NRXN1: variants seen among roughly 807,000 people sequenced by gnomAD.
NRXN1 encodes the protein neurexin-1.
NRXN1 carries 39 observed loss-of-function variants against 150.9 expected under a neutral mutation model. That is an observed-to-expected ratio of 0.26 (90% CI 0.20 to 0.34). NRXN1 has a LOEUF of 0.34. NRXN1 is among the 10% of genes least tolerant of loss of function. NRXN1 has a pLI of 1.00. For missense variants in NRXN1, 1,815 were observed against 1,949.9 expected (o/e 0.93, Z 1.30); for synonymous variants, 924 against 757.0 (o/e 1.22, Z -3.62).
intron 18 of NRXN1, among the ~76,000 whole-genome samples, chr2:50,174,391 T>A (rs1052150286): frequency 2.0e-5 from 3 of 152,142 alleles, no homozygotes. Flanking sequence ...AAGATCCATG[T>A]AAAGCATTTG....
chr2:50,557,670 G>A (rs1360555981), intron 8 of NRXN1, among the ~76,000 whole-genome samples: 1 of 151,962 alleles, frequency 6.6e-6, no homozygotes, highest in Non-Finnish European at 1.5e-5. Flanking sequence ...GCTAATAATG[G>A]GTCCTAGCAT....
At chr2:50,931,012 C>T (rs1052473775) in intron 2 of NRXN1, among the ~76,000 whole-genome samples, 16 of 152,258 alleles carry the variant, frequency 1.1e-4, no homozygotes, top group African/African-American at 3.8e-4. Context: ...TCCCAACTTA[C>T]CAACCCTTCT....
chr2:50,624,561 A>T (rs190479934), intron 5 of NRXN1, among the ~76,000 whole-genome samples: 3 of 152,206 alleles, frequency 2.0e-5, no homozygotes, highest in African/African-American at 7.2e-5. Context: ...GAAAGGGAAG[A>T]AAAAAAGATA....
At chr2:50,110,613 G>C (rs1214026323) in intron 18 of NRXN1, among the ~76,000 whole-genome samples, 1 of 151,988 alleles carries the variant, frequency 6.6e-6, no homozygotes, top group African/African-American at 2.4e-5. Flanking sequence ...TATGTGGGGT[G>C]TGTGTGCGTA....
intron 10 of NRXN1, among the ~76,000 whole-genome samples, chr2:50,536,594 C>CT (rs34726991): frequency 1.3e-5 from 2 of 152,120 alleles, no homozygotes; most frequent in Non-Finnish European, 2.9e-5. Context: ...GAGTTATACC[C>CT]TTTTTTCAGC....
intron 17 of NRXN1, among the ~76,000 whole-genome samples, chr2:50,274,598 G>T (rs536811162): frequency 2.0e-4 from 30 of 152,158 alleles, no homozygotes; most frequent in African/African-American, 6.7e-4. Context: ...CTGAAAAAGA[G>T]ATAGAAGGAA....
chr2:50,482,284 A>G (rs1384067442), intron 15 of NRXN1, among the ~76,000 whole-genome samples: 1 of 152,148 alleles, frequency 6.6e-6, no homozygotes, highest in Non-Finnish European at 1.5e-5. Context: ...AACCCACTCT[A>G]TGCCAGTAAC....
intron 12 of NRXN1, among the ~76,000 whole-genome samples, chr2:50,512,180 A>C (rs1026097658): frequency 2.0e-5 from 3 of 152,126 alleles, no homozygotes; most frequent in Non-Finnish European, 2.9e-5. Context: ...TGTTATAGTG[A>C]ATATCTCTAA....
At chr2:50,205,610 G>A (rs754250904) in intron 18 of NRXN1, among the ~76,000 whole-genome samples, 4 of 151,968 alleles carry the variant, frequency 2.6e-5, no homozygotes, top group African/African-American at 2.4e-5. Context: ...AAGAAAACTG[G>A]ACATCAAGCA....
intron 5 of NRXN1, among the ~76,000 whole-genome samples, chr2:50,701,293 TGTC>T: frequency 6.6e-6 from 1 of 152,180 alleles, no homozygotes; most frequent in African/African-American, 2.4e-5. Context: ...AAACAACTAT[TGTC>T]ATTATTATTA....
At chr2:50,602,396 T>C (rs1000309109) in intron 8 of NRXN1, among the ~76,000 whole-genome samples, 3 of 84,898 alleles carry the variant, frequency 3.5e-5, no homozygotes, top group Non-Finnish European at 5.4e-5. Context: ...TTCATTTTTC[T>C]TTTTTTTTTC....
intron 22 of NRXN1, 32 bp from the exon 23 acceptor site, chr2:49,922,283 G>A: frequency 6.3e-7 from 1 of 1,591,084 alleles, no homozygotes; most frequent in Non-Finnish European, 8.6e-7. Flanking sequence ...CAAACACAAA[G>A]TGATCATTGA....
chr2:50,768,800 A>T (rs1218923057), intron 5 of NRXN1, among the ~76,000 whole-genome samples: 1 of 151,734 alleles, frequency 6.6e-6, no homozygotes, highest in Non-Finnish European at 1.5e-5. Context: ...GATAGCTCAC[A>T]ACTCCCTCAA....
At chr2:50,806,886 T>C (rs1021483221) in intron 5 of NRXN1, among the ~76,000 whole-genome samples, 1 of 152,220 alleles carries the variant, frequency 6.6e-6, no homozygotes, top group African/African-American at 2.4e-5. Context: ...TTCTGGTTGT[T>C]AGCCCCTTGA....
At chr2:50,745,875 GA>G (rs1165514544) in intron 5 of NRXN1, among the ~76,000 whole-genome samples, 2 of 152,068 alleles carry the variant, frequency 1.3e-5, no homozygotes, top group Non-Finnish European at 2.9e-5. Context: ...GGGATTATGG[GA>G]ACTACAATTC....
In NRXN1 at chr2:50,346,463, CG is replaced by C. The variant is rs1298228284; in HGVS notation, c.3365-109494del. On this transcript the variant is annotated intron_variant, in intron 17 of 22. Coordinates refer to ENST00000401669, the MANE Select transcript of NRXN1 (RefSeq NM_001330078.2). The surrounding 1 kb of genome is among the most constrained non-coding windows in gnomAD (Gnocchi z 5.0). ...TGTCCACATCTCTCTCCCAGTACCT[CG>C]ACAAGGAACGCCCCTCCCACCCCTC... is the stretch of plus-strand genomic sequence containing the variant. Among the ~76,000 whole-genome samples, 1 of 152,036 alleles carries C rather than the reference CG, an allele frequency of 6.6e-6. No individual in the cohort carries two copies. The highest frequency in any genetic ancestry group is 1.5e-5 in the Non-Finnish European group (1 of 68,016).
chr2:50,893,922 G>C (rs1681492373), intron 5 of NRXN1, among the ~76,000 whole-genome samples: 1 of 152,050 alleles, frequency 6.6e-6, no homozygotes, highest in Non-Finnish European at 1.5e-5. Context: ...TCCCTACAAA[G>C]GACATGAACT....
intron 5 of NRXN1, among the ~76,000 whole-genome samples, chr2:50,834,968 A>T (rs1462107352): frequency 1.3e-5 from 2 of 152,184 alleles, no homozygotes; most frequent in Non-Finnish European, 2.9e-5. Context: ...TCTCTTTAGC[A>T]GAGACCAGAC....
At chr2:50,419,806 T>C (rs867553353) in intron 17 of NRXN1, among the ~76,000 whole-genome samples, 50 of 152,084 alleles carry the variant, frequency 3.3e-4, no homozygotes, top group African/African-American at 1.1e-3. Context: ...TATGCTTTTA[T>C]GAGAGATGGT....
Sources: gnomAD v4.1 joint callset for allele counts (sites outside exome capture counted in the v4.1 genomes callset) on GRCh38, gnomAD v4.1.1 for gene constraint, Gnocchi (gnomAD v3.1) non-coding constraint, MANE v1.5 for transcripts, NCBI Gene and HGNC (gene_info 2026-07-23, HGNC 2026-07-21) for gene names.